NALF1: variants seen among roughly 807,000 people sequenced by gnomAD.
The protein encoded by NALF1 is NALCN channel auxiliary factor 1, also known as family with sequence similarity 155 member A.
Under a neutral mutation model 48.4 loss-of-function variants are expected in NALF1, and 3 were observed. That is an observed-to-expected ratio of 0.06 (90% CI 0.03 to 0.16). NALF1 has a LOEUF of 0.16. Ranked by LOEUF, NALF1 falls within the 10% of genes least tolerant of loss-of-function variation. NALF1 has a pLI of 1.00. For synonymous variants in NALF1, 262 were observed against 245.7 expected (o/e 1.07, Z -0.62); for missense variants, 526 against 571.5 (o/e 0.92, Z 0.81).
At chr13:107,498,269 C>T (rs498486) in intron 1 of NALF1, among the ~76,000 whole-genome samples, 59,890 of 150,308 alleles carry the variant, frequency 0.4, 12,615 homozygotes, top group African/African-American at 0.54. Flanking sequence ...CATGTCAAAC[C>T]GTAGAAAGTT....
intron 1 of NALF1, among the ~76,000 whole-genome samples, chr13:107,809,061 G>A (rs770345188): frequency 2.0e-5 from 3 of 151,922 alleles, no homozygotes; most frequent in South Asian, 2.1e-4. Flanking sequence ...CTAGAAATCC[G>A]AGCCACCGGA....
At chr13:107,777,406 T>A (rs1877766413) in intron 1 of NALF1, among the ~76,000 whole-genome samples, 1 of 152,186 alleles carries the variant, frequency 6.6e-6, no homozygotes, top group Non-Finnish European at 1.5e-5. Flanking sequence ...AAATCTCACG[T>A]TGAATTGCAA....
chr13:107,755,782 G>A (rs1373114602), intron 1 of NALF1, among the ~76,000 whole-genome samples: 1 of 152,076 alleles, frequency 6.6e-6, no homozygotes, highest in Non-Finnish European at 1.5e-5. Context: ...AATTTCAAAT[G>A]GCATCATTTG....
chr13:107,577,231 G>C lies in NALF1; in HGVS notation c.915+288451C>G, dbSNP rs376624970. Among the ~76,000 whole-genome samples, 3 of 152,232 alleles carry C rather than the reference G, an allele frequency of 2.0e-5. No homozygotes were observed. The East Asian group carries it at 5.8e-4, about 30-fold the overall frequency. On this transcript the variant is annotated intron_variant, in intron 1 of 2. Transcript: ENST00000375915. ...CATCATTCTCATCTGCATGTTGGAA[G>C]GTGGTTCACCATCAAGTCTGAGCTC...
chr13:107,601,671 C>T (rs1878930658), intron 1 of NALF1, among the ~76,000 whole-genome samples: 1 of 152,084 alleles, frequency 6.6e-6, no homozygotes, highest in African/African-American at 2.4e-5. Flanking sequence ...GTCTCATTCG[C>T]AACTGTTTTA....
In NALF1 at chr13:107,170,283, T is replaced by A; in HGVS notation, c.*214A>T. ...CATTAAAACACAGTGTATAAAATGG[T>A]GTGAGAAATTTAAAGTCACTTTCCA... On this transcript the variant is annotated 3_prime_UTR_variant, in exon 3 of 3. Coordinates refer to ENST00000375915, the MANE Select transcript of NALF1 (RefSeq NM_001080396.3). The A allele has an allele frequency of 1.9e-6, 1 of 513,496 alleles. No individual in the cohort carries two copies. Among genetic ancestry groups the A allele is most frequent in the Non-Finnish European group, 3.5e-6 (1 of 289,558 alleles). 31.8% of individuals were successfully genotyped at this position (513,496 alleles called of 1,614,324 possible). A position where few individuals can be genotyped will look rare whatever the true frequency, so the allele number is the denominator to read the frequency against.
chr13:107,284,263 C>A (rs1881447085), intron 1 of NALF1, among the ~76,000 whole-genome samples: 1 of 152,016 alleles, frequency 6.6e-6, no homozygotes, highest in Non-Finnish European at 1.5e-5. Flanking sequence ...ATAGGATTTC[C>A]AGTTAGTATA....
chr13:107,517,463 T>C (rs1876094683), intron 1 of NALF1, among the ~76,000 whole-genome samples: 1 of 151,672 alleles, frequency 6.6e-6, no homozygotes, highest in Non-Finnish European at 1.5e-5. Flanking sequence ...ACCCCGTCTC[T>C]GCAAAAAAAA....
chr13:107,742,467 T>C (rs1377230405), intron 1 of NALF1, among the ~76,000 whole-genome samples: 1 of 152,274 alleles, frequency 6.6e-6, no homozygotes, highest in South Asian at 2.1e-4. Flanking sequence ...CTGAGTGAGT[T>C]CTCACAAGAT....
intron 1 of NALF1, among the ~76,000 whole-genome samples, chr13:107,546,192 G>A (rs1229188804): frequency 2.0e-5 from 3 of 152,094 alleles, no homozygotes; most frequent in Non-Finnish European, 4.4e-5. Flanking sequence ...AGCCCATTGC[G>A]ATTTATTCCA....
chr13:107,789,513 T>C (rs531054095), intron 1 of NALF1, among the ~76,000 whole-genome samples: 1 of 152,320 alleles, frequency 6.6e-6, no homozygotes, highest in South Asian at 2.1e-4. Context: ...TTCTTTGTCA[T>C]TCTGGATCAT....
chr13:107,612,423 C>T lies in NALF1; in HGVS notation c.915+253259G>A, dbSNP rs2391465. On this transcript the variant is annotated intron_variant, in intron 1 of 2. Transcript: ENST00000375915. The stretch of plus-strand genomic sequence containing the variant: ...TGGGGGTGTGATTCTTCATTTTATA[C>T]GTCGGCTTGCCTGGGCCATGGATTG... Among the ~76,000 whole-genome samples, 3,128 of 152,090 alleles carry T rather than the reference C, an allele frequency of 0.021. 217 individuals are homozygous for T. In the East Asian group the frequency reaches 0.26, roughly 13 times the overall value.
At chr13:107,724,630 C>T (rs113269842) in intron 1 of NALF1, among the ~76,000 whole-genome samples, 14,089 of 147,828 alleles carry the variant, frequency 0.095, 1,073 homozygotes, top group African/African-American at 0.21. Context: ...GGCATGATCT[C>T]GGGTCACTGC....
At chr13:107,616,892 T>C (rs1879394468) in intron 1 of NALF1, among the ~76,000 whole-genome samples, 1 of 152,144 alleles carries the variant, frequency 6.6e-6, no homozygotes, top group African/African-American at 2.4e-5. Flanking sequence ...TGTCTGTGGA[T>C]TGAAATGCAG....
chr13:107,530,110 TG>T (rs1876578100), intron 1 of NALF1, among the ~76,000 whole-genome samples: 2 of 152,086 alleles, frequency 1.3e-5, no homozygotes, highest in Non-Finnish European at 2.9e-5. Flanking sequence ...AATCCCCACC[TG>T]GGCACCTTTA....
intron 1 of NALF1, among the ~76,000 whole-genome samples, chr13:107,453,548 C>A (rs1244882904): frequency 6.6e-6 from 1 of 152,216 alleles, no homozygotes; most frequent in Non-Finnish European, 1.5e-5. Flanking sequence ...CCCACAGAAC[C>A]ATTTTTTCTT....
At chr13:107,656,121 A>G (rs898508469) in intron 1 of NALF1, among the ~76,000 whole-genome samples, 3 of 151,278 alleles carry the variant, frequency 2.0e-5, no homozygotes. Flanking sequence ...ATGACCAACA[A>G]TCTAAAGGCA....
intron 1 of NALF1, among the ~76,000 whole-genome samples, chr13:107,568,754 A>T (rs530605804): frequency 6.6e-6 from 1 of 152,146 alleles, no homozygotes; most frequent in Non-Finnish European, 1.5e-5. Context: ...ATTTAGTGAA[A>T]TGTCTGTGCA....
At chr13:107,536,887 T>C (rs1478499256) in intron 1 of NALF1, among the ~76,000 whole-genome samples, 1 of 152,146 alleles carries the variant, frequency 6.6e-6, no homozygotes, top group Non-Finnish European at 1.5e-5. Context: ...CACCATGGAA[T>C]ACTATGCAGC....
Sources: allele counts gnomAD v4.1 joint callset (sites outside exome capture counted in the v4.1 genomes callset), GRCh38; gene constraint gnomAD v4.1.1; transcripts MANE v1.5; gene names NCBI Gene and HGNC (gene_info 2026-07-23, HGNC 2026-07-21).